The following AUH variants were observed in gnomAD, a reference collection of about 807,000 sequenced individuals.
AUH encodes AU RNA binding methylglutaconyl-CoA hydratase.
A neutral mutation model predicts 42.3 loss-of-function variants in AUH; 29 were observed. That is an observed-to-expected ratio of 0.69 (90% CI 0.51 to 0.93). The LOEUF (loss-of-function observed/expected upper bound fraction) is 0.93, where lower values mean the gene tolerates loss of function less well. Ranked by LOEUF, AUH falls within the 40% of genes least tolerant of loss-of-function variation. AUH has a pLI of 0.00. For missense variants in AUH, 452 were observed against 438.1 expected, an observed-to-expected ratio of 1.03 and a Z score of -0.28; for synonymous variants, 174 against 166.4, an observed-to-expected ratio of 1.05 and a Z score of -0.35.
At chr9:91,356,250 C>T in intron 1 of AUH, 95 bp from the exon 2 acceptor site, 9 of 975,006 alleles carry the variant, frequency 9.2e-6, no homozygotes, top group Non-Finnish European at 1.1e-5. Flanking sequence ...TCGAACTTAA[C>T]AAATCAAAGA....
At chr9:91,294,388 A>G (rs1029792155) in intron 6 of AUH, among the ~76,000 whole-genome samples, 1 of 152,170 alleles carries the variant, frequency 6.6e-6, no homozygotes, top group Non-Finnish European at 1.5e-5. Context: ...TCTCTACAAA[A>G]AATACAAAAA....
chr9:91,246,180 A>G (rs919481178), intron 6 of AUH, among the ~76,000 whole-genome samples: 1 of 152,230 alleles, frequency 6.6e-6, no homozygotes. Flanking sequence ...AAACACCACA[A>G]CAATTCTGAG....
intron 4 of AUH, among the ~76,000 whole-genome samples, chr9:91,298,760 C>T (rs1827549360): frequency 6.6e-6 from 1 of 152,176 alleles, no homozygotes; most frequent in Non-Finnish European, 1.5e-5. Flanking sequence ...TTTAATACAA[C>T]TTTTGTAAAT....
At chr9:91,252,093 A>G (rs1380547781) in intron 6 of AUH, among the ~76,000 whole-genome samples, 1 of 151,914 alleles carries the variant, frequency 6.6e-6, no homozygotes, top group Non-Finnish European at 1.5e-5. Flanking sequence ...CCGCCTCCTC[A>G]GTAGCTGGGA....
intron 6 of AUH, among the ~76,000 whole-genome samples, chr9:91,233,067 G>T (rs953755836): frequency 6.6e-6 from 1 of 152,146 alleles, no homozygotes; most frequent in Non-Finnish European, 1.5e-5. Flanking sequence ...TTGGTACATG[G>T]ATACATCCAT....
At chr9:91,357,103 T>C (rs1049318386) in intron 1 of AUH, among the ~76,000 whole-genome samples, 1 of 152,200 alleles carries the variant, frequency 6.6e-6, no homozygotes, top group African/African-American at 2.4e-5. Context: ...TTCCAAATGC[T>C]CTCAGTACAG....
At chr9:91,226,276 C>T (rs773516) in intron 6 of AUH, among the ~76,000 whole-genome samples, 124,502 of 149,088 alleles carry the variant, frequency 0.84, 53,536 homozygotes, top group East Asian at 0.93. Flanking sequence ...CATTGTGGTT[C>T]TGATTTGCAT....
At chr9:91,343,672 C>T (rs1831272555) in intron 3 of AUH, among the ~76,000 whole-genome samples, 1 of 152,092 alleles carries the variant, frequency 6.6e-6, no homozygotes, top group Non-Finnish European at 1.5e-5. Context: ...GCGGAGGTTG[C>T]AGTGAGCTGA....
intron 6 of AUH, among the ~76,000 whole-genome samples, chr9:91,262,630 A>G (rs572271054): frequency 4.6e-5 from 7 of 152,306 alleles, no homozygotes; most frequent in Non-Finnish European, 8.8e-5. Flanking sequence ...TAATCCTCAC[A>G]AAACTCTATG....
At chr9:91,257,824 G>A (rs1331741430) in intron 6 of AUH, among the ~76,000 whole-genome samples, 2 of 152,162 alleles carry the variant, frequency 1.3e-5, no homozygotes, top group Non-Finnish European at 2.9e-5. Flanking sequence ...ATCCAGGATT[G>A]CACTGCATCT....
chr9:91,226,610 A>G (rs1827502498), intron 6 of AUH, among the ~76,000 whole-genome samples: 1 of 124,376 alleles, frequency 8.0e-6, no homozygotes, highest in Admixed American at 8.6e-5. Context: ...GGTGTTTTAG[A>G]CATGAAGTCC....
intron 6 of AUH, among the ~76,000 whole-genome samples, chr9:91,245,533 A>G (rs1016355395): frequency 2.6e-5 from 4 of 152,208 alleles, no homozygotes; most frequent in African/African-American, 9.7e-5. Context: ...GGTTGAGTAA[A>G]AAGTAAAGCA....
intron 6 of AUH, among the ~76,000 whole-genome samples, chr9:91,237,895 T>C (rs935073957): frequency 6.6e-6 from 1 of 152,198 alleles, no homozygotes; most frequent in Admixed American, 6.5e-5. Flanking sequence ...ATAGCAATGA[T>C]TTCATATGGT....
At chr9:91,328,879 G>A (rs1360736619) in intron 3 of AUH, among the ~76,000 whole-genome samples, 2 of 152,040 alleles carry the variant, frequency 1.3e-5, no homozygotes, top group African/African-American at 4.8e-5. Context: ...TCTGATCTTA[G>A]AACACCTCCA....
intron 6 of AUH, among the ~76,000 whole-genome samples, chr9:91,239,786 C>G (rs532906763): frequency 6.6e-6 from 1 of 152,086 alleles, no homozygotes; most frequent in Admixed American, 6.6e-5. Flanking sequence ...AGACAGAGGG[C>G]TATGTAAGGA....
intron 6 of AUH, among the ~76,000 whole-genome samples, chr9:91,242,266 G>C (rs1349229218): frequency 6.6e-6 from 1 of 152,214 alleles, no homozygotes; most frequent in Non-Finnish European, 1.5e-5. Flanking sequence ...ACACCAGGCA[G>C]TCAGGTTAGA....
intron 4 of AUH, among the ~76,000 whole-genome samples, chr9:91,323,723 T>C (rs56673856): frequency 0.026 from 3,836 of 149,678 alleles, 77 homozygotes; most frequent in East Asian, 0.068. Context: ...TGCTATAAAA[T>C]AGCTAGGAAT....
intron 1 of AUH, 58 bp downstream of exon 1, chr9:91,361,570 C>G (rs1390191104): frequency 1.1e-5 from 17 of 1,545,952 alleles, no homozygotes; most frequent in South Asian, 4.8e-5. Context: ...ACCTTATGCC[C>G]GTCCTGAGAG....
At position 91,223,554 on chromosome 9, in the gene AUH, G is replaced by A. The variant is rs573807455; in HGVS notation, c.656-2562C>T. Among the ~76,000 whole-genome samples, 12 of 152,260 alleles carry A rather than the reference G, an allele frequency of 7.9e-5. No individual in the cohort carries two copies. The South Asian group carries it at 2.5e-3, about 32-fold the overall frequency. Reference sequence around the variant, plus strand: ...CATGGATATACAAATATCTCTTCAAGACCCTGCTTTCAATTCTGCTTTCAA... The same window carrying A: ...CATGGATATACAAATATCTCTTCAAAACCCTGCTTTCAATTCTGCTTTCAA... On this transcript the variant is annotated intron_variant, in intron 6 of 9. Coordinates refer to ENST00000375731, the MANE Select transcript of AUH (RefSeq NM_001698.3).
Sources: gnomAD v4.1 joint callset for allele counts (sites outside exome capture counted in the v4.1 genomes callset) on GRCh38, gnomAD v4.1.1 for gene constraint, MANE v1.5 for transcripts, NCBI Gene and HGNC (gene_info 2026-07-23, HGNC 2026-07-21) for gene names.